SSBP2: variants seen among roughly 807,000 people sequenced by gnomAD.
The protein encoded by SSBP2 is single stranded DNA binding protein 2.
SSBP2 carries 17 observed loss-of-function variants against 61.8 expected under a neutral mutation model. The ratio of observed to expected loss-of-function variants is 0.28; its 90% CI spans 0.19 to 0.41. SSBP2 has a LOEUF of 0.41. Ranked by LOEUF, SSBP2 falls within the 10% of genes least tolerant of loss-of-function variation. SSBP2 has a pLI of 1.00. For synonymous variants in SSBP2, 139 were observed against 141.3 expected (o/e 0.98, Z 0.12); for missense variants, 310 against 458.7 (o/e 0.68, Z 2.96).
At chr5:81,421,538 C>T (rs1761613118) in intron 16 of SSBP2, among the ~76,000 whole-genome samples, 1 of 152,118 alleles carries the variant, frequency 6.6e-6, no homozygotes. Flanking sequence ...TGAGTAGGAA[C>T]ATCATTGTTA....
intron 14 of SSBP2, 128 bp from the exon 15 acceptor site, chr5:81,437,586 ATCTG>A: frequency 1.3e-6 from 1 of 767,778 alleles, no homozygotes; most frequent in African/African-American, 1.8e-5. Context: ...GAGTTTTTAA[ATCTG>A]AAAAAATTCC....
intron 1 of SSBP2, among the ~76,000 whole-genome samples, chr5:81,677,069 CT>C (rs1393320992): frequency 2.6e-5 from 4 of 152,122 alleles, no homozygotes; most frequent in East Asian, 3.8e-4. Flanking sequence ...CTCAAGTTTA[CT>C]TTAGTCTCAG....
At chr5:81,488,330 TC>T (rs1417516554) in intron 6 of SSBP2, among the ~76,000 whole-genome samples, 1 of 151,908 alleles carries the variant, frequency 6.6e-6, no homozygotes, top group Non-Finnish European at 1.5e-5. Context: ...CAAGTTACTT[TC>T]CCTGCAACAG....
At chr5:81,640,355 G>GATA (rs1249537285) in intron 2 of SSBP2, among the ~76,000 whole-genome samples, 1 of 151,688 alleles carries the variant, frequency 6.6e-6, no homozygotes, top group African/African-American at 2.4e-5. Flanking sequence ...TAATAATATT[G>GATA]ATAATAATAA....
At chr5:81,445,006 C>A (rs1218147151) in intron 12 of SSBP2, among the ~76,000 whole-genome samples, 1 of 150,712 alleles carries the variant, frequency 6.6e-6, no homozygotes, top group Non-Finnish European at 1.5e-5. Context: ...TCCTGTAATC[C>A]CAGCTACTCG....
intron 4 of SSBP2, among the ~76,000 whole-genome samples, chr5:81,606,512 C>A: frequency 6.6e-6 from 1 of 152,182 alleles, no homozygotes; most frequent in East Asian, 1.9e-4. Flanking sequence ...AGAAATTAAG[C>A]AAGAATATAT....
chr5:81,436,458 G>A (rs1360154174), intron 15 of SSBP2, among the ~76,000 whole-genome samples: 1 of 152,048 alleles, frequency 6.6e-6, no homozygotes, highest in African/African-American at 2.4e-5. Flanking sequence ...AGCTTGTGAG[G>A]CAAAGCAGCC....
At chr5:81,532,078 C>T (rs527719580) in intron 4 of SSBP2, among the ~76,000 whole-genome samples, 222 of 152,130 alleles carry the variant, frequency 1.5e-3, no homozygotes, top group African/African-American at 5.1e-3. Flanking sequence ...GAAAAGTTAT[C>T]AACTGATCAG....
intron 1 of SSBP2, among the ~76,000 whole-genome samples, chr5:81,708,991 G>A (rs760636523): frequency 1.3e-5 from 2 of 151,922 alleles, no homozygotes; most frequent in Non-Finnish European, 2.9e-5. Flanking sequence ...GTTGAATATA[G>A]GCTAAAGGTT....
In SSBP2 at chr5:81,441,108, T is replaced by TAA. The variant is rs1234010744; in HGVS notation, c.850-473_850-472insTT. ...TTGTTTAAATGGACATAATAAATAA[T>TAA]TTCATCTTATAGGTTAAATACATTT... On this transcript the variant is annotated intron_variant, in intron 13 of 16. Coordinates refer to ENST00000320672, the MANE Select transcript of SSBP2 (RefSeq NM_012446.5). 3.4e-4 allele frequency among the ~76,000 whole-genome samples: 52 copies of TAA among 152,340 alleles called. No homozygotes were observed. In the Middle Eastern group the frequency reaches 0.024, roughly 70 times the overall value.
At chr5:81,423,306 C>T (rs7732320) in intron 16 of SSBP2, among the ~76,000 whole-genome samples, 31,888 of 152,040 alleles carry the variant, frequency 0.21, 5,109 homozygotes, top group African/African-American at 0.45. Context: ...AAATTTTAGT[C>T]GTATGTAATT....
chr5:81,644,874 T>C (rs1326341778), intron 2 of SSBP2, among the ~76,000 whole-genome samples: 1 of 152,148 alleles, frequency 6.6e-6, no homozygotes, highest in Admixed American at 6.5e-5. Flanking sequence ...CCCATTTTTA[T>C]AGAAAGAGTA....
intron 16 of SSBP2, among the ~76,000 whole-genome samples, chr5:81,424,062 T>C (rs747644670): frequency 3.3e-5 from 5 of 151,484 alleles, no homozygotes; most frequent in Non-Finnish European, 5.9e-5. Flanking sequence ...AGTGAAAAAA[T>C]AGAGAAAATG....
At chr5:81,430,721 CTG>C (rs3840359) in intron 15 of SSBP2, among the ~76,000 whole-genome samples, 94,555 of 151,694 alleles carry the variant, frequency 0.62, 32,106 homozygotes, top group African/African-American at 0.9. Context: ...TTATACTCTT[CTG>C]TGTGTGTGTG....
At chr5:81,656,032 A>G (rs1750177485) in intron 1 of SSBP2, among the ~76,000 whole-genome samples, 1 of 152,134 alleles carries the variant, frequency 6.6e-6, no homozygotes, top group African/African-American at 2.4e-5. Flanking sequence ...TTATACAATT[A>G]GAAGGGAATT....
At chr5:81,748,461 A>C (rs1228501856) in intron 1 of SSBP2, among the ~76,000 whole-genome samples, 3 of 152,222 alleles carry the variant, frequency 2.0e-5, no homozygotes, top group African/African-American at 2.4e-5. Context: ...GTAAACATAA[A>C]GAGAAAAACC....
At chr5:81,463,094 A>C (rs1395342943) in intron 9 of SSBP2, among the ~76,000 whole-genome samples, 1 of 152,126 alleles carries the variant, frequency 6.6e-6, no homozygotes, top group Non-Finnish European at 1.5e-5. Context: ...TAGTTCCAAC[A>C]TACTAAGTGT....
At chr5:81,691,369 A>G (rs1753188962) in intron 1 of SSBP2, among the ~76,000 whole-genome samples, 1 of 152,134 alleles carries the variant, frequency 6.6e-6, no homozygotes, top group Non-Finnish European at 1.5e-5. Context: ...AGAGATGAAA[A>G]ACGAGACATT....
chr5:81,470,263 C>T (rs1159223028), intron 8 of SSBP2, among the ~76,000 whole-genome samples: 2 of 151,364 alleles, frequency 1.3e-5, no homozygotes, highest in Non-Finnish European at 3.0e-5. Context: ...TAGCTAAGTA[C>T]ATCTTATTAC....
Sources: allele counts gnomAD v4.1 joint callset (sites outside exome capture counted in the v4.1 genomes callset), GRCh38; gene constraint gnomAD v4.1.1; transcripts MANE v1.5; gene names NCBI Gene and HGNC (gene_info 2026-07-23, HGNC 2026-07-21).